ASB15: variants seen among roughly 807,000 people sequenced by gnomAD.
ASB15 encodes ankyrin repeat and SOCS box protein 15.
ASB15 carries 54 observed loss-of-function variants against 58.0 expected under a neutral mutation model. The ratio of observed to expected loss-of-function variants is 0.93; its 90% CI spans 0.75 to 1.17. The LOEUF (loss-of-function observed/expected upper bound fraction) is 1.17, where lower values mean the gene tolerates loss of function less well. Ranked by LOEUF, ASB15 falls within the 50% of genes most tolerant of loss-of-function variation. The pLI, the probability that ASB15 is intolerant of heterozygous loss-of-function variation, is 0.00. For missense variants in ASB15, 680 were observed against 707.4 expected (o/e 0.96, Z 0.44); for synonymous variants, 249 against 262.4 (o/e 0.95, Z 0.50).
At chr7:123,592,425 G>T (rs1799565513) in intron 1 of ASB15, among the ~76,000 whole-genome samples, 1 of 152,158 alleles carries the variant, frequency 6.6e-6, no homozygotes. Context: ...GGCATTTAGT[G>T]CTATAAATTT....
At chr7:123,615,983 A>T (rs1309316137) in intron 4 of ASB15, among the ~76,000 whole-genome samples, 1 of 152,108 alleles carries the variant, frequency 6.6e-6, no homozygotes, top group Admixed American at 6.6e-5. Context: ...CAGAGATAGC[A>T]TTGTAATCTT....
chr7:123,570,010 T>C (rs551209165), intron 1 of ASB15, among the ~76,000 whole-genome samples: 1 of 151,032 alleles, frequency 6.6e-6, no homozygotes, highest in Non-Finnish European at 1.5e-5. Context: ...ATACCTAAAG[T>C]TTACAACTAC....
chr7:123,617,747 C>CT lies in ASB15; in HGVS notation c.451+17dup, dbSNP rs755943388. ...ACCCCCCTTCTGATTGGTAAATGAC[C>CT]TTTTTTTCTAGAACTTTTATAGTTT... On this transcript the variant is annotated intron_variant, in intron 7 of 11. Transcript: ENST00000451215. 26 of 1,594,970 alleles carry CT rather than the reference C, an allele frequency of 1.6e-5. No individual in the cohort carries two copies. The highest frequency in any genetic ancestry group is 1.8e-5 in the Non-Finnish European group (21 of 1,168,390).
At chr7:123,601,417 A>C (rs1799876880), upstream of ASB15, among the ~76,000 whole-genome samples, 1 of 152,224 alleles carries the variant, frequency 6.6e-6, no homozygotes. Flanking sequence ...TATGACAAGA[A>C]GATTGTATTT....
intron 1 of ASB15, among the ~76,000 whole-genome samples, chr7:123,578,408 T>C (rs1799128656): frequency 6.6e-6 from 1 of 151,904 alleles, no homozygotes; most frequent in African/African-American, 2.4e-5. Flanking sequence ...ATTTTAGTGT[T>C]TGCCATTTGT....
chr7:123,629,459 T>C (rs779941765), intron 10 of ASB15, 25 bp downstream of exon 10: 12 of 1,518,534 alleles, frequency 7.9e-6, no homozygotes, highest in Non-Finnish European at 9.8e-6. Flanking sequence ...TTCTGCTTTA[T>C]ATTGAGTTAT....
intron 8 of ASB15, among the ~76,000 whole-genome samples, chr7:123,626,827 TC>T (rs1244939398): frequency 6.6e-6 from 1 of 152,034 alleles, no homozygotes; most frequent in Non-Finnish European, 1.5e-5. Context: ...AACCTCCACC[TC>T]CCAGGTTCAA....
At chr7:123,600,132 C>T (rs1799826907), upstream of ASB15, among the ~76,000 whole-genome samples, 1 of 152,142 alleles carries the variant, frequency 6.6e-6, no homozygotes, top group Admixed American at 6.5e-5. Flanking sequence ...ATTGTATCAT[C>T]ATCATCATCA....
intron 1 of ASB15, among the ~76,000 whole-genome samples, chr7:123,593,755 T>C (rs1304564993): frequency 6.6e-6 from 1 of 152,108 alleles, no homozygotes; most frequent in Non-Finnish European, 1.5e-5. Flanking sequence ...CACTTATGTG[T>C]CTTGGGGTTG....
intron 7 of ASB15, among the ~76,000 whole-genome samples, chr7:123,623,822 C>T (rs1584801141): frequency 6.8e-6 from 1 of 147,464 alleles, no homozygotes; most frequent in East Asian, 2.0e-4. Context: ...TGAGATTGTG[C>T]CATCGCACTC....
chr7:123,608,036 T>C (rs80268192), intron 2 of ASB15, among the ~76,000 whole-genome samples: 2,572 of 152,310 alleles, frequency 0.017, 74 homozygotes, highest in African/African-American at 0.058. Flanking sequence ...ATTTCTGTTA[T>C]AATTAAATTT....
intron 10 of ASB15, among the ~76,000 whole-genome samples, chr7:123,629,669 T>A (rs1802019015): frequency 6.6e-6 from 1 of 152,006 alleles, no homozygotes; most frequent in African/African-American, 2.4e-5. Flanking sequence ...TGTAGAAGAA[T>A]GTGAAAATGT....
chr7:123,573,460 G>T (rs1798974438), intron 1 of ASB15, among the ~76,000 whole-genome samples: 2 of 151,688 alleles, frequency 1.3e-5, no homozygotes, highest in Admixed American at 1.3e-4. Flanking sequence ...TCTTGTCTTG[G>T]GGCCTCTGAA....
chr7:123,572,421 G>C (rs115377887), intron 1 of ASB15, among the ~76,000 whole-genome samples: 1 of 151,802 alleles, frequency 6.6e-6, no homozygotes, highest in African/African-American at 2.4e-5. Flanking sequence ...TTACAGGCAC[G>C]AGCCACCACG....
intron 2 of ASB15, among the ~76,000 whole-genome samples, chr7:123,605,394 G>A (rs1399759525): frequency 6.6e-6 from 1 of 152,106 alleles, no homozygotes; most frequent in Non-Finnish European, 1.5e-5. Flanking sequence ...CAATGCTGGT[G>A]GGAATGTAAC....
upstream of ASB15, among the ~76,000 whole-genome samples, chr7:123,598,031 A>G (rs905373517): frequency 1.3e-5 from 2 of 149,574 alleles, no homozygotes; most frequent in Non-Finnish European, 3.0e-5. Flanking sequence ...TCTCTATACA[A>G]TGGTAAGCTT....
At chr7:123,613,767 AGGCATGGT>A (rs1208295552) in intron 3 of ASB15, among the ~76,000 whole-genome samples, 1 of 152,176 alleles carries the variant, frequency 6.6e-6, no homozygotes, top group Non-Finnish European at 1.5e-5. Context: ...AAAAGGGACC[AGGCATGGT>A]GGCTCACACC....
In ASB15 at chr7:123,636,997, T is replaced by C. The variant is rs75258024; in HGVS notation, c.*16T>C. On this transcript the variant is annotated 3_prime_UTR_variant, in exon 12 of 12. Coordinates refer to ENST00000451215, the MANE Select transcript of ASB15 (RefSeq NM_001290258.2). ...ATTGACATAACTTAATATTTTAAAA[T>C]GTGATTTAAAAAAAATGTTGAAATG... is the stretch of plus-strand genomic sequence containing the variant. The C allele has an allele frequency of 8.4e-4, 1,234 of 1,466,086 alleles. 10 individuals are homozygous for C. In the African/African-American group the frequency reaches 0.016, roughly 19 times the overall value. The allele number at this position is 1,466,086 out of a possible 1,614,324, so 90.8% of individuals were successfully genotyped here. A position where few individuals can be genotyped will look rare whatever the true frequency, so the allele number is the denominator to read the frequency against.
At chr7:123,589,044 G>A (rs1428388152) in intron 1 of ASB15, among the ~76,000 whole-genome samples, 2 of 151,668 alleles carry the variant, frequency 1.3e-5, no homozygotes, top group South Asian at 2.1e-4. Context: ...TCTATGTAAT[G>A]TTCTGCATAT....
Sources: allele counts gnomAD v4.1 joint callset (sites outside exome capture counted in the v4.1 genomes callset), GRCh38; gene constraint gnomAD v4.1.1; transcripts MANE v1.5; gene names NCBI Gene and HGNC (gene_info 2026-07-23, HGNC 2026-07-21).